The following TMTC2 variants were observed in gnomAD, a reference collection of about 807,000 sequenced individuals.
TMTC2 encodes the protein protein O-mannosyl-transferase TMTC2.
Under a neutral mutation model 82.4 loss-of-function variants are expected in TMTC2, and 43 were observed. The observed-to-expected ratio is 0.52, with a 90% CI of 0.41 to 0.67. The LOEUF is 0.67. Ranked by LOEUF, TMTC2 falls within the 30% of genes least tolerant of loss-of-function variation. TMTC2 has a pLI of 0.00. For missense variants in TMTC2, 919 were observed against 1,012.4 expected, an observed-to-expected ratio of 0.91 and a Z score of 1.25; for synonymous variants, 408 against 381.9, an observed-to-expected ratio of 1.07 and a Z score of -0.80.
chr12:82,893,949 G>C (rs1355594140), intron 2 of TMTC2, among the ~76,000 whole-genome samples: 1 of 152,158 alleles, frequency 6.6e-6, no homozygotes, highest in African/African-American at 2.4e-5. Context: ...TGACAGAGGA[G>C]ATGGAGAGAA....
chr12:83,063,230 T>C (rs144832470), intron 11 of TMTC2, among the ~76,000 whole-genome samples: 267 of 151,804 alleles, frequency 1.8e-3, no homozygotes, highest in African/African-American at 6.2e-3. Flanking sequence ...ATGAGGGTCT[T>C]ATTACCTACC....
intron 1 of TMTC2, among the ~76,000 whole-genome samples, chr12:82,853,775 G>A (rs1871107866): frequency 6.6e-6 from 1 of 152,200 alleles, no homozygotes; most frequent in African/African-American, 2.4e-5. Context: ...GTTTGCCTTT[G>A]AGCTCTCCAC....
At chr12:82,869,420 T>C (rs1362103325) in intron 2 of TMTC2, among the ~76,000 whole-genome samples, 2 of 152,212 alleles carry the variant, frequency 1.3e-5, no homozygotes, top group Admixed American at 6.5e-5. Flanking sequence ...CTGATGTACA[T>C]TGAGAATCTG....
chr12:82,909,935 A>G (rs544108268), intron 3 of TMTC2, among the ~76,000 whole-genome samples: 1 of 152,228 alleles, frequency 6.6e-6, no homozygotes. Flanking sequence ...ACTTAAAAGA[A>G]GCTAAAAATA....
chr12:82,908,342 C>A (rs1378518133), intron 3 of TMTC2, among the ~76,000 whole-genome samples: 1 of 151,504 alleles, frequency 6.6e-6, no homozygotes, highest in Non-Finnish European at 1.5e-5. Flanking sequence ...ATTTTTTCAC[C>A]ATTGATTTTA....
At chr12:83,087,339 C>T (rs900360793) in intron 11 of TMTC2, among the ~76,000 whole-genome samples, 1 of 152,142 alleles carries the variant, frequency 6.6e-6, no homozygotes, top group Non-Finnish European at 1.5e-5. Flanking sequence ...TTTGACCCCT[C>T]GAAGTCATCC....
At chr12:82,848,368 T>C (rs917150429) in intron 1 of TMTC2, among the ~76,000 whole-genome samples, 5 of 152,158 alleles carry the variant, frequency 3.3e-5, no homozygotes, top group African/African-American at 1.2e-4. Flanking sequence ...GCTTTCCTCC[T>C]GGAAACTTTT....
chr12:82,736,895 A>T (rs570438754), intron 1 of TMTC2, among the ~76,000 whole-genome samples: 1 of 152,330 alleles, frequency 6.6e-6, no homozygotes, highest in Non-Finnish European at 1.5e-5. Flanking sequence ...AAGACATAGT[A>T]GGTAAACTTA....
intron 2 of TMTC2, among the ~76,000 whole-genome samples, chr12:82,872,012 C>CG (rs923642461): frequency 2.2e-5 from 3 of 138,826 alleles, no homozygotes; most frequent in Admixed American, 1.4e-4. Flanking sequence ...AACACCCCCC[C>CG]CCCCGCCCAC....
At chr12:83,117,565 G>A (rs1042304331) in intron 11 of TMTC2, among the ~76,000 whole-genome samples, 17 of 152,164 alleles carry the variant, frequency 1.1e-4, no homozygotes, top group Admixed American at 9.8e-4. Flanking sequence ...TGGCCTTATA[G>A]TGTAGTTTGA....
At chr12:83,031,475 A>G (rs1277230126) in intron 9 of TMTC2, among the ~76,000 whole-genome samples, 2 of 152,034 alleles carry the variant, frequency 1.3e-5, no homozygotes, top group South Asian at 2.1e-4. Flanking sequence ...AGTAGTGATC[A>G]TGTGTTTAGT....
At chr12:83,001,491 T>C (rs1239854485) in intron 8 of TMTC2, among the ~76,000 whole-genome samples, 3 of 151,466 alleles carry the variant, frequency 2.0e-5, no homozygotes, top group East Asian at 2.0e-4. Flanking sequence ...CAAAATTAGC[T>C]GGGCTTGGTG....
At chr12:82,846,501 G>T (rs921562178) in intron 1 of TMTC2, among the ~76,000 whole-genome samples, 6 of 152,060 alleles carry the variant, frequency 3.9e-5, no homozygotes, top group African/African-American at 1.5e-4. Context: ...TGCAGCTGGG[G>T]CCATTTTTAA....
At chr12:82,938,994 C>T (rs1192392594) in intron 4 of TMTC2, among the ~76,000 whole-genome samples, 1 of 152,040 alleles carries the variant, frequency 6.6e-6, no homozygotes, top group Non-Finnish European at 1.5e-5. Flanking sequence ...TACGTGTGTG[C>T]AGATACGTCA....
chr12:82,963,846 T>C (rs1189971048), intron 4 of TMTC2, among the ~76,000 whole-genome samples: 1 of 103,120 alleles, frequency 9.7e-6, no homozygotes, highest in Non-Finnish European at 1.9e-5. Flanking sequence ...TATATATATA[T>C]ATATGTGAAA....
At chr12:82,774,172 C>T (rs1017210544) in intron 1 of TMTC2, among the ~76,000 whole-genome samples, 10 of 151,732 alleles carry the variant, frequency 6.6e-5, no homozygotes, top group African/African-American at 2.2e-4. Flanking sequence ...TATACATATA[C>T]GCACATATAT....
At chr12:82,860,924 G>A (rs1871509297) in intron 2 of TMTC2, among the ~76,000 whole-genome samples, 1 of 152,194 alleles carries the variant, frequency 6.6e-6, no homozygotes, top group African/African-American at 2.4e-5. Flanking sequence ...TATTCTGTCT[G>A]TAAAATATAT....
intron 4 of TMTC2, among the ~76,000 whole-genome samples, chr12:82,947,963 A>G (rs1463477693): frequency 6.6e-6 from 1 of 152,162 alleles, no homozygotes; most frequent in Non-Finnish European, 1.5e-5. Context: ...GAAGCCGCTA[A>G]ATGATGCCTA....
intron 4 of TMTC2, among the ~76,000 whole-genome samples, chr12:82,954,619 A>G (rs1877519397): frequency 6.6e-6 from 1 of 152,226 alleles, no homozygotes; most frequent in Admixed American, 6.6e-5. Flanking sequence ...TTGCAGGGAC[A>G]TCAGCTGTGT....
Sources: gnomAD v4.1 joint callset for allele counts (sites outside exome capture counted in the v4.1 genomes callset) on GRCh38, gnomAD v4.1.1 for gene constraint, MANE v1.5 for transcripts, NCBI Gene and HGNC (gene_info 2026-07-23, HGNC 2026-07-21) for gene names.